Variants in GOPC observed in about 807,000 individuals in gnomAD.
GOPC encodes golgi associated PDZ and coiled-coil motif containing.
Under a neutral mutation model 51.2 loss-of-function variants are expected in GOPC, and 32 were observed. The observed-to-expected ratio is 0.63, with a 90% CI of 0.47 to 0.84. The LOEUF is 0.84. Among genes scored for constraint, GOPC ranks in the 40% least tolerant of loss-of-function variants. The pLI is 0.00. For synonymous variants in GOPC, 190 were observed against 205.1 expected, an observed-to-expected ratio of 0.93 and a Z score of 0.63; for missense variants, 441 against 555.5, an observed-to-expected ratio of 0.79 and a Z score of 2.07.
intron 1 of GOPC, among the ~76,000 whole-genome samples, chr6:117,590,622 T>C (rs1386391862): frequency 4.7e-5 from 7 of 149,722 alleles, no homozygotes; most frequent in Non-Finnish European, 7.4e-5. Context: ...CCAATTGTGA[T>C]GCAACGTGTG....
At chr6:117,580,500 A>C (rs937502259) in intron 1 of GOPC, among the ~76,000 whole-genome samples, 2 of 152,104 alleles carry the variant, frequency 1.3e-5, no homozygotes, top group African/African-American at 4.8e-5. Context: ...CCGATAGGAG[A>C]AATGAAGCTG....
chr6:117,589,687 G>C (rs1780087391), intron 1 of GOPC, among the ~76,000 whole-genome samples: 1 of 152,134 alleles, frequency 6.6e-6, no homozygotes, highest in Admixed American at 6.6e-5. Context: ...CTGAGTTGGG[G>C]GATGTGAAAT....
intron 5 of GOPC, 118 bp downstream of exon 5, chr6:117,573,349 T>C (rs1009955184): frequency 8.4e-7 from 1 of 1,186,940 alleles, no homozygotes; most frequent in African/African-American, 1.5e-5. Flanking sequence ...TTGAATCCCA[T>C]TTTCACTTTT....
intron 1 of GOPC, among the ~76,000 whole-genome samples, chr6:117,581,027 G>A (rs1436240928): frequency 1.3e-5 from 2 of 152,092 alleles, no homozygotes; most frequent in Non-Finnish European, 1.5e-5. Context: ...ATATAGACAT[G>A]AGAGAAAGAA....
At chr6:117,573,679 C>T (rs1175874862) in intron 4 of GOPC, 47 bp from the exon 5 acceptor site, 1 of 1,473,760 alleles carries the variant, frequency 6.8e-7, no homozygotes, top group Non-Finnish European at 9.1e-7. Flanking sequence ...ATATTCACTA[C>T]AGTGAGAATT....
At chr6:117,585,745 C>T (rs1780021331) in intron 1 of GOPC, among the ~76,000 whole-genome samples, 1 of 152,198 alleles carries the variant, frequency 6.6e-6, no homozygotes, top group Non-Finnish European at 1.5e-5. Flanking sequence ...GAACCCCATA[C>T]ACACACCCCA....
rs760055667 is a variant in GOPC at position 117,569,626 on chromosome 6, T to C, written c.1023A>G (p.Gly341=). Residue 341 remains glycine (G), a synonymous_variant, in exon 7 of 9, where the codon GGA becomes GGG. Coordinates refer to ENST00000368498, the MANE Select transcript of GOPC (RefSeq NM_020399.4). ...HVGDAILAVN[G]VNLRDTKHKE... is the part of the protein sequence containing the mutation. ...TATGCTTTGTGTCCCTTAGGTTAACTCCGTTGACTGCCAAAATAGCATCCC... is the reference window on the plus strand; with the variant it reads ...TATGCTTTGTGTCCCTTAGGTTAACCCCGTTGACTGCCAAAATAGCATCCC... 2 of 1,613,238 alleles carry C rather than the reference T, an allele frequency of 1.2e-6. No homozygotes were observed. Among genetic ancestry groups the C allele is most frequent in the Non-Finnish European group, 1.7e-6 (2 of 1,179,714 alleles).
In GOPC at chr6:117,602,230, C is replaced by A. The variant is rs780672631; in HGVS notation, c.59G>T (p.Cys20Phe). 10 of 1,604,822 alleles carry A rather than the reference C, an allele frequency of 6.2e-6. No individual in the cohort carries two copies. The East Asian group carries it at 2.2e-4, about 36-fold the overall frequency. Residue 20 changes from cysteine (C) to phenylalanine (F), a missense_variant, in exon 1 of 9, where the codon TGC becomes TTC. Around this residue, in one of 3 missense-constraint regions of GOPC, gnomAD observed 204 missense variants for 219.8 expected, o/e 0.93. Coordinates refer to ENST00000368498, the MANE Select transcript of GOPC (RefSeq NM_020399.4). ...AAGGGPGGAS[C>F]SVGAPGGVSM... ...TACCCCGCCAGGGGCCCCCACGGAG[C>A]AGGAGGCGCCCCCTGGGCCCCCTCC...
At chr6:117,581,463 T>TG (rs1311326151) in intron 1 of GOPC, among the ~76,000 whole-genome samples, 1 of 54,308 alleles carries the variant, frequency 1.8e-5, no homozygotes, top group Non-Finnish European at 3.1e-5. Context: ...ACTCAGATCT[T>TG]GAAAAAAAAA....
chr6:117,599,442 G>A (rs762495151), intron 1 of GOPC, among the ~76,000 whole-genome samples: 59 of 152,312 alleles, frequency 3.9e-4, no homozygotes, highest in Non-Finnish European at 5.7e-4. Context: ...AGTCTACTTT[G>A]AAAGGCACTG....
chr6:117,577,576 T>G, intron 2 of GOPC, 105 bp from the exon 3 acceptor site: 1 of 853,794 alleles, frequency 1.2e-6, no homozygotes. Context: ...TTGGATATCA[T>G]TTGGGTAAAG....
In GOPC at chr6:117,561,047, G is replaced by A. The variant is rs1387639345; in HGVS notation, c.*2207C>T. On this transcript the variant is annotated 3_prime_UTR_variant, in exon 9 of 9. Coordinates refer to ENST00000368498, the MANE Select transcript of GOPC (RefSeq NM_020399.4). ...TTTAACTAGTTACTTTCTAACACCG[G>A]ACAGGAAGCTCACAGTAGCATCTGA... 4.5e-6 allele frequency: 1 copy of A among 222,060 alleles called. No homozygotes were observed. The highest frequency in any genetic ancestry group is 9.0e-6 in the Non-Finnish European group (1 of 111,102). 13.8% of individuals were successfully genotyped at this position (222,060 alleles called of 1,614,324 possible).
chr6:117,572,194 C>T (rs1351808044), intron 5 of GOPC, among the ~76,000 whole-genome samples: 1 of 152,094 alleles, frequency 6.6e-6, no homozygotes, highest in Non-Finnish European at 1.5e-5. Flanking sequence ...TCCCCAAATC[C>T]TTCCTTTTCT....
At position 117,575,297 on chromosome 6, in the gene GOPC, G is replaced by T; in HGVS notation, c.530C>A (p.Ala177Asp). 1 of 1,613,276 alleles carries T rather than the reference G, an allele frequency of 6.2e-7. No homozygotes were observed. The highest frequency in any genetic ancestry group is 8.5e-7 in the Non-Finnish European group (1 of 1,179,590). Reference sequence around the variant, plus strand: ...CTCTTTTCTCAACAATTTCACTTCAGCTTCAAGTTGTGCTTCTTTCATTTT... The same window carrying T: ...CTCTTTTCTCAACAATTTCACTTCATCTTCAAGTTGTGCTTCTTTCATTTT... ...KEKMKEAQLE[A>D]EVKLLRKENE... Residue 177 changes from alanine to aspartate, a missense_variant, in exon 4 of 9, where the codon GCT (alanine) becomes GAT (aspartate). By Grantham distance (126) the Ala-to-Asp change is moderately radical. Around this residue, in one of 3 missense-constraint regions of GOPC, gnomAD observed 204 missense variants for 219.8 expected, o/e 0.93. Transcript: ENST00000368498.
chr6:117,595,626 ATGAG>A (rs1410423783), intron 1 of GOPC, among the ~76,000 whole-genome samples: 3 of 152,130 alleles, frequency 2.0e-5, no homozygotes, highest in African/African-American at 7.2e-5. Flanking sequence ...GCTCCCATGT[ATGAG>A]TGAGAACATA....
intron 4 of GOPC, among the ~76,000 whole-genome samples, chr6:117,574,741 T>A (rs1427380984): frequency 6.6e-6 from 1 of 152,170 alleles, no homozygotes; most frequent in Non-Finnish European, 1.5e-5. Context: ...TAAAACCAAC[T>A]GTAAAATAAT....
At chr6:117,587,983 TC>T (rs1426170107) in intron 1 of GOPC, among the ~76,000 whole-genome samples, 3 of 152,118 alleles carry the variant, frequency 2.0e-5, no homozygotes, top group African/African-American at 7.2e-5. Context: ...GAAATAATCC[TC>T]CCACCTCAGC....
chr6:117,561,488 T>C lies in GOPC; in HGVS notation c.*1766A>G, dbSNP rs562963048. On this transcript the variant is annotated 3_prime_UTR_variant, in exon 9 of 9. Transcript: ENST00000368498. ...TGCTACAATGGACAATTTTTTTGAC[T>C]AAATAAATACGGTGGCTAAAATCCA... The C allele has an allele frequency of 7.3e-5, 16 of 218,514 alleles. No homozygotes were observed. In the East Asian group the frequency reaches 1.1e-3, roughly 15 times the overall value. The allele number at this position is 218,514 out of a possible 1,614,324, so 13.5% of individuals were successfully genotyped here.
At chr6:117,596,966 T>C (rs957280820) in intron 1 of GOPC, among the ~76,000 whole-genome samples, 1 of 152,212 alleles carries the variant, frequency 6.6e-6, no homozygotes, top group Non-Finnish European at 1.5e-5. Flanking sequence ...CATTTGTAGA[T>C]TGCTTTTGGT....
Sources: gnomAD v4.1 joint callset for allele counts (sites outside exome capture counted in the v4.1 genomes callset) on GRCh38, gnomAD v4.1.1 for gene constraint, gnomAD v4.1.1 regional missense constraint, MANE v1.5 for transcripts, NCBI Gene and HGNC (gene_info 2026-07-23, HGNC 2026-07-21) for gene names.